The following PABIR3 variants were observed in gnomAD, a reference collection of about 807,000 sequenced individuals.
PABIR3 encodes the protein PABIR family member 3.
Under a neutral mutation model 23.1 loss-of-function variants are expected in PABIR3, and 20 were observed. The observed-to-expected ratio is 0.86, with a 90% confidence interval of 0.61 to 1.26. The LOEUF (loss-of-function observed/expected upper bound fraction) is 1.26, where lower values mean the gene tolerates loss of function less well. Among genes scored for constraint, PABIR3 ranks in the 50% most tolerant of loss-of-function variants. PABIR3 has a pLI of 0.00. For missense variants in PABIR3, 189 were observed against 195.4 expected (o/e 0.97, Z 0.20); for synonymous variants, 69 against 68.5 (o/e 1.01, Z -0.04).
chrX:134,806,007 GGTTACTAAAATGTGT>G (rs1331401746), upstream of PABIR3, among the ~76,000 whole-genome samples: 2 of 112,222 alleles, frequency 1.8e-5, no homozygotes, highest in Non-Finnish European at 3.8e-5. Context: ...TTCTCTATAT[GGTTACTAAAATGTGT>G]GGTTTTACAA....
chrX:134,820,549 A>T (rs887115506), intron 3 of PABIR3, among the ~76,000 whole-genome samples: 1 of 110,942 alleles, frequency 9.0e-6, no homozygotes, highest in African/African-American at 3.3e-5. Flanking sequence ...CAAGGGTACA[A>T]TTTTAAAGGG....
intron 4 of PABIR3, among the ~76,000 whole-genome samples, chrX:134,841,157 G>A (rs1036220447): frequency 6.3e-4 from 69 of 109,044 alleles, no homozygotes; most frequent in African/African-American, 2.2e-3. Context: ...TAGAGATGAG[G>A]TCTTGTTGTT....
chrX:134,801,166 A>G (rs1211230657), intron 1 of PABIR3, among the ~76,000 whole-genome samples: 1 of 112,514 alleles, frequency 8.9e-6, no homozygotes, highest in African/African-American at 3.2e-5. Flanking sequence ...TTCTAAGACT[A>G]GCCATGTTAC....
chrX:134,863,979 G>C, the PABIR3 span, among the ~76,000 whole-genome samples: 1 of 111,959 alleles, frequency 8.9e-6, no homozygotes, highest in South Asian at 3.8e-4. Flanking sequence ...TTTCATGCTT[G>C]CTAAGCAGAA....
chrX:134,798,390 G>A (rs751586299), intron 1 of PABIR3, among the ~76,000 whole-genome samples: 2 of 112,354 alleles, frequency 1.8e-5, no homozygotes, highest in South Asian at 7.3e-4. Context: ...ATAGGGTCAT[G>A]CTGGAGGCGG....
chrX:134,822,374 C>G, intron 3 of PABIR3: 1 of 751,343 alleles, frequency 1.3e-6, no homozygotes, highest in Non-Finnish European at 1.6e-6. Context: ...ATTAATTTCT[C>G]ACATTATTAC....
chrX:134,801,092 T>C (rs1250215148), intron 1 of PABIR3, among the ~76,000 whole-genome samples: 3 of 112,547 alleles, frequency 2.7e-5, no homozygotes, highest in Non-Finnish European at 3.7e-5. Flanking sequence ...GTGACTACTG[T>C]TGTTTTACCA....
At chrX:134,799,441 A>T (rs1168531359) in intron 1 of PABIR3, among the ~76,000 whole-genome samples, 2 of 112,577 alleles carry the variant, frequency 1.8e-5, no homozygotes, top group Non-Finnish European at 3.7e-5. Context: ...TTTTTAACAT[A>T]GGGGACCAAT....
downstream of PABIR3, among the ~76,000 whole-genome samples, chrX:134,856,406 G>A (rs1394346096): frequency 9.1e-6 from 1 of 110,055 alleles, no homozygotes; most frequent in Non-Finnish European, 1.9e-5. Flanking sequence ...GGCTGGTCTC[G>A]AACTCCTGGC....
downstream of PABIR3, among the ~76,000 whole-genome samples, chrX:134,857,806 TC>T (rs759831791): frequency 9.3e-4 from 104 of 111,267 alleles, no homozygotes; most frequent in African/African-American, 3.3e-3. Context: ...GGTCCTCAGA[TC>T]AGGAAAATAT....
At chrX:134,840,696 A>G (rs2082202455) in intron 4 of PABIR3, among the ~76,000 whole-genome samples, 1 of 111,085 alleles carries the variant, frequency 9.0e-6, no homozygotes, top group South Asian at 3.7e-4. Flanking sequence ...GATTCTGCCC[A>G]AATTCTTTAA....
At chrX:134,832,990 G>A (rs992264909) in intron 4 of PABIR3, 4 of 110,835 alleles carry the variant, frequency 3.6e-5, no homozygotes, top group African/African-American at 1.3e-4. Context: ...CGTGTGATGT[G>A]AAACCCTCCT....
intron 1 of PABIR3, chrX:134,797,316 G>A (rs949634196): frequency 8.8e-6 from 1 of 113,474 alleles, no homozygotes; most frequent in Non-Finnish European, 1.9e-5. Flanking sequence ...GGGGCCCGGC[G>A]CCTTCCTCGA....
At chrX:134,824,158 G>A (rs1396922123) in intron 3 of PABIR3, among the ~76,000 whole-genome samples, 2 of 111,811 alleles carry the variant, frequency 1.8e-5, no homozygotes, top group Non-Finnish European at 3.8e-5. Flanking sequence ...TAGGTCAATC[G>A]AAAGAGCCTT....
In PABIR3 at chrX:134,797,391, G is replaced by A. The variant is rs1416989557; in HGVS notation, c.-98+527G>A. Among the ~76,000 whole-genome samples the A allele has an allele frequency of 8.8e-5, 10 of 113,134 alleles. No homozygotes were observed. The Admixed American group carries it at 9.3e-4, about 10-fold the overall frequency. On this transcript the variant is annotated intron_variant, in intron 1 of 4. Coordinates refer to the PABIR3 transcript ENST00000414371. Reference sequence around the variant, plus strand: ...GAACCAATAGTTTGAAAATGCTGGAGCATCAGCTTTCAGGAGGAGTTTGGG... The same window carrying A: ...GAACCAATAGTTTGAAAATGCTGGAACATCAGCTTTCAGGAGGAGTTTGGG...
At chrX:134,797,344 C>G (rs1261185424) in intron 1 of PABIR3, 1 of 113,374 alleles carries the variant, frequency 8.8e-6, no homozygotes, top group Admixed American at 9.2e-5. Context: ...GGCCTGGGGA[C>G]CCTGGCGCCC....
intron 6 of PABIR3, among the ~76,000 whole-genome samples, chrX:134,845,957 T>C: frequency 8.9e-6 from 1 of 111,840 alleles, no homozygotes. Context: ...CTCTAGAAAA[T>C]TATTGCATTT....
chrX:134,819,758 G>A (rs776369835), intron 3 of PABIR3, among the ~76,000 whole-genome samples: 19 of 110,786 alleles, frequency 1.7e-4, no homozygotes, highest in Middle Eastern at 4.6e-3. Context: ...GGTGGCATGC[G>A]CCTGTAATCC....
chrX:134,840,518 AC>A (rs2082195229), intron 4 of PABIR3, among the ~76,000 whole-genome samples: 1 of 111,058 alleles, frequency 9.0e-6, no homozygotes, highest in Non-Finnish European at 1.9e-5. Context: ...TGTGATGAGA[AC>A]TGTACAGCCA....
Sources: allele counts gnomAD v4.1 joint callset (sites outside exome capture counted in the v4.1 genomes callset), GRCh38; gene constraint gnomAD v4.1.1; transcripts MANE v1.5; gene names NCBI Gene and HGNC (gene_info 2026-07-23, HGNC 2026-07-21).